The following BCL7C variants were observed in gnomAD, a reference collection of about 807,000 sequenced individuals.
BCL7C encodes BAF chromatin remodeling complex subunit BCL7C, also known as B-cell CLL/lymphoma 7 protein family member C.
In BCL7C, 8 loss-of-function variants were observed where a neutral mutation model predicts 26.2. The ratio of observed to expected loss-of-function variants is 0.30; its 90% CI spans 0.18 to 0.55. The LOEUF is 0.55. Among genes scored for constraint, BCL7C ranks in the 20% least tolerant of loss-of-function variants. The pLI, the probability that BCL7C is intolerant of heterozygous loss-of-function variation, is 0.93. For missense variants in BCL7C, 262 were observed against 298.5 expected (o/e 0.88, Z 0.90); for synonymous variants, 90 against 116.5 (o/e 0.77, Z 1.47).
chr16:30,868,720 G>C (rs1367051389), intron 5 of BCL7C, among the ~76,000 whole-genome samples: 1 of 151,928 alleles, frequency 6.6e-6, no homozygotes, highest in African/African-American at 2.4e-5. Flanking sequence ...GGGAGGTGGA[G>C]GTTGTGGTGA....
At chr16:30,864,468 C>A (rs1211428730) in intron 5 of BCL7C, among the ~76,000 whole-genome samples, 1 of 152,154 alleles carries the variant, frequency 6.6e-6, no homozygotes, top group African/African-American at 2.4e-5. Flanking sequence ...AACAACCCCA[C>A]AATATCACCC....
At position 30,893,837 on chromosome 16, in the gene BCL7C, C is replaced by T. The variant is rs2055299947; in HGVS notation, c.92+16G>A. 3.8e-6 allele frequency: 6 copies of T among 1,598,502 alleles called. No individual in the cohort carries two copies. In the East Asian group the frequency reaches 6.7e-5, roughly 18 times the overall value. On this transcript the variant is annotated intron_variant, in intron 1 of 5. Coordinates refer to ENST00000215115, the MANE Select transcript of BCL7C (RefSeq NM_004765.4). The surrounding 1 kb of genome is among the most constrained non-coding windows in gnomAD (Gnocchi z 5.2). ...GTCCCGCTGTGTCCCGTCCCTGGCC[C>T]CCGAGCAGCGCTCACCATCTCCGGA...
intron 5 of BCL7C, among the ~76,000 whole-genome samples, chr16:30,862,527 T>C (rs991705045): frequency 1.6e-4 from 24 of 151,882 alleles, no homozygotes; most frequent in African/African-American, 4.6e-4. Context: ...TTCTACTTTG[T>C]AGTTCCCCCT....
Position 30,893,900 on chromosome 16 carries a change from C to T in BCL7C, c.45G>A (p.Lys15=), listed in dbSNP as rs762793489. ...TVRAETRSRA[K]DDIKKVMATI... ...TCGCCATCACCTTCTTGATGTCATC[C>T]TTGGCCCGGCTCCGGGTCTCGGCCC... The change falls in exon 1 of 6, where the codon AAG becomes AAA. Residue 15 remains lysine (K), a synonymous_variant. Transcript: ENST00000215115. This position sits in a 1 kb window ranked among gnomAD's most constrained non-coding sequence, Gnocchi z 5.2. The T allele has an allele frequency of 6.2e-6, 10 of 1,601,608 alleles. 1 individual carries two copies. The highest frequency in any genetic ancestry group is 7.6e-6 in the Non-Finnish European group (9 of 1,178,928).
chr16:30,846,982 G>A (rs942823395), intron 5 of BCL7C, among the ~76,000 whole-genome samples: 1 of 152,238 alleles, frequency 6.6e-6, no homozygotes, highest in African/African-American at 2.4e-5. Context: ...AAGGACTGTG[G>A]TGTGCGATGG....
At chr16:30,866,964 G>A (rs1054614300) in intron 5 of BCL7C, among the ~76,000 whole-genome samples, 3 of 152,158 alleles carry the variant, frequency 2.0e-5, no homozygotes, top group Non-Finnish European at 4.4e-5. Flanking sequence ...TGAGGCTGGA[G>A]GATCACTTGA....
In BCL7C at chr16:30,876,842, G is replaced by A. The variant is rs921732191; in HGVS notation, c.528+12018C>T. ...GGGAAAGGGGCAGGAGAGGTGGGCA[G>A]GGGCCAAATCCAGCAGGGGCTTTTC... On this transcript the variant is annotated intron_variant, in intron 5 of 5. Transcript: ENST00000380317. Among the ~76,000 whole-genome samples, 6 of 152,222 alleles carry A rather than the reference G, an allele frequency of 3.9e-5. No individual in the cohort carries two copies. In the East Asian group the frequency reaches 7.7e-4, roughly 20 times the overall value.
chr16:30,854,387 G>C (rs576249649), intron 5 of BCL7C, among the ~76,000 whole-genome samples: 26 of 152,240 alleles, frequency 1.7e-4, no homozygotes, highest in Admixed American at 8.5e-4. Flanking sequence ...TAGTACACTG[G>C]CCATGTGTGC....
intron 5 of BCL7C, among the ~76,000 whole-genome samples, chr16:30,863,257 A>G (rs945331084): frequency 2.6e-5 from 4 of 152,118 alleles, no homozygotes; most frequent in African/African-American, 9.7e-5. Flanking sequence ...TTCCACATTT[A>G]TCATTGAGGC....
rs1044013281 is a variant in BCL7C at position 30,834,273 on chromosome 16, G to A, written c.*675C>T. The A allele has an allele frequency of 6.6e-6, 1 of 152,248 alleles. No homozygotes were observed. Among genetic ancestry groups the A allele is most frequent in the Admixed American group, 6.5e-5 (1 of 15,286 alleles). The allele number at this position is 152,248 out of a possible 1,614,324, so 9.4% of individuals were successfully genotyped here. On this transcript the variant is annotated 3_prime_UTR_variant, in exon 6 of 6. Transcript: ENST00000380317. This position sits in a 1 kb window ranked among gnomAD's most constrained non-coding sequence, Gnocchi z 4.3. ...GGGCGCCTGGGCTGAAAGGCCGCTTGTCCACATGGGTTCCCAGGTTGGCCT... is the reference window on the plus strand; with the variant it reads ...GGGCGCCTGGGCTGAAAGGCCGCTTATCCACATGGGTTCCCAGGTTGGCCT...
At chr16:30,885,849 T>TA (rs1173144892), downstream of BCL7C, among the ~76,000 whole-genome samples, 1 of 152,132 alleles carries the variant, frequency 6.6e-6, no homozygotes, top group Non-Finnish European at 1.5e-5. Context: ...GAAGCATCCT[T>TA]ACATTTCCTT....
intron 5 of BCL7C, among the ~76,000 whole-genome samples, chr16:30,841,970 A>G (rs1364936084): frequency 7.2e-6 from 1 of 138,110 alleles, no homozygotes; most frequent in African/African-American, 2.7e-5. Flanking sequence ...AAAAAAAAAA[A>G]AAAAAAAGCT....
intron 5 of BCL7C, among the ~76,000 whole-genome samples, chr16:30,881,178 C>T (rs1187395791): frequency 6.6e-6 from 1 of 152,112 alleles, no homozygotes; most frequent in Admixed American, 6.6e-5. Context: ...GGGTGGATCA[C>T]CTGAGGTCAG....
intron 4 of BCL7C, among the ~76,000 whole-genome samples, chr16:30,892,133 G>A (rs1418104673): frequency 6.6e-6 from 1 of 150,866 alleles, no homozygotes; most frequent in Non-Finnish European, 1.5e-5. Context: ...CAGGTGTGGT[G>A]GCATATGCCT....
At chr16:30,871,311 A>G (rs1277287286) in intron 5 of BCL7C, among the ~76,000 whole-genome samples, 1 of 152,184 alleles carries the variant, frequency 6.6e-6, no homozygotes, top group Non-Finnish European at 1.5e-5. Context: ...AAGTCAGATG[A>G]TACGGATTCA....
chr16:30,871,110 T>C (rs569779791), intron 5 of BCL7C, among the ~76,000 whole-genome samples: 1 of 152,290 alleles, frequency 6.6e-6, no homozygotes, highest in East Asian at 1.9e-4. Flanking sequence ...AAAGGTGTCC[T>C]GAGTGGGAGA....
intron 5 of BCL7C, among the ~76,000 whole-genome samples, chr16:30,852,757 G>A (rs1022968526): frequency 2.0e-5 from 3 of 151,740 alleles, no homozygotes; most frequent in Non-Finnish European, 4.4e-5. Flanking sequence ...CTCCCAAAGT[G>A]CTGAAATTAC....
At chr16:30,858,126 T>G (rs1762248404) in intron 5 of BCL7C, among the ~76,000 whole-genome samples, 1 of 152,150 alleles carries the variant, frequency 6.6e-6, no homozygotes, top group African/African-American at 2.4e-5. Flanking sequence ...TTTTTGGAAG[T>G]CTTTAGTCTG....
intron 5 of BCL7C, among the ~76,000 whole-genome samples, chr16:30,838,213 A>G (rs1205289231): frequency 3.3e-5 from 5 of 152,232 alleles, no homozygotes; most frequent in African/African-American, 1.2e-4. Context: ...CCTTGGGTAA[A>G]TAATATAACA....
Sources: allele counts gnomAD v4.1 joint callset (sites outside exome capture counted in the v4.1 genomes callset), GRCh38; gene constraint gnomAD v4.1.1; non-coding constraint Gnocchi (gnomAD v3.1); transcripts MANE v1.5; gene names NCBI Gene and HGNC (gene_info 2026-07-23, HGNC 2026-07-21).